The following POLD3 variants were observed in gnomAD, a reference collection of about 807,000 sequenced individuals.
The protein encoded by POLD3 is DNA polymerase delta 3, accessory subunit, also known as DNA polymerase delta subunit 3.
Under a neutral mutation model 58.2 loss-of-function variants are expected in POLD3, and 19 were observed. That is an observed-to-expected ratio of 0.33 (90% CI 0.23 to 0.48). POLD3 has a LOEUF of 0.48. POLD3 is among the 20% of genes least tolerant of loss of function. POLD3 has a pLI of 0.99. For synonymous variants in POLD3, 172 were observed against 193.5 expected (o/e 0.89, Z 0.92); for missense variants, 504 against 545.5 (o/e 0.92, Z 0.76).
intron 4 of POLD3, among the ~76,000 whole-genome samples, chr11:74,654,867 T>G (rs181845506): frequency 1.3e-5 from 2 of 152,220 alleles, no homozygotes; most frequent in African/African-American, 2.4e-5. Context: ...TCAGCTAGCC[T>G]GAAGTTGAGG....
intron 3 of POLD3, among the ~76,000 whole-genome samples, chr11:74,610,479 G>T (rs1008256093): frequency 1.3e-5 from 2 of 152,300 alleles, no homozygotes; most frequent in African/African-American, 4.8e-5. Context: ...AAAGTACTGG[G>T]ATTACAGGCA....
intron 11 of POLD3, among the ~76,000 whole-genome samples, chr11:74,638,308 A>G (rs747285726): frequency 2.6e-5 from 4 of 151,904 alleles, no homozygotes; most frequent in Non-Finnish European, 4.4e-5. Context: ...TGCTAAAGAA[A>G]TTTTGTTGGT....
In POLD3 at chr11:74,604,695, G is replaced by A. The variant is rs370900609; in HGVS notation, c.120G>A (p.Met40Ile). 2 of 1,564,148 alleles carry A rather than the reference G, an allele frequency of 1.3e-6. No individual in the cohort carries two copies. The highest frequency in any genetic ancestry group is 1.8e-6 in the Non-Finnish European group (2 of 1,134,494). ...LGVHVNQAKQMLYDYVERKRK... is the reference protein window; with the variant it reads ...LGVHVNQAKQILYDYVERKRK... ...TGCCTTCTTTTCTTTGGAATAGGAT[G>A]CTGTATGATTATGTTGAAAGGAAAC... Residue 40 changes from methionine to isoleucine, a missense_variant, in exon 3 of 12, where the codon ATG becomes ATA. Met to Ile is a conservative substitution (Grantham distance 10). Coordinates refer to ENST00000263681, the MANE Select transcript of POLD3 (RefSeq NM_006591.3).
downstream of POLD3, among the ~76,000 whole-genome samples, chr11:74,647,728 T>C (rs2033018049): frequency 6.6e-6 from 1 of 152,198 alleles, no homozygotes; most frequent in Non-Finnish European, 1.5e-5. Context: ...CAAAAAAACA[T>C]GTACATATTT....
At position 74,667,261 on chromosome 11, in the gene POLD3, C is replaced by T. The variant is rs1284589917; in HGVS notation, c.370-1516C>T. Among the ~76,000 whole-genome samples the T allele has an allele frequency of 7.2e-5, 11 of 152,192 alleles. No homozygotes were observed. The East Asian group carries it at 9.6e-4, about 13-fold the overall frequency. On this transcript the variant is annotated intron_variant, in intron 4 of 4. Coordinates refer to the POLD3 transcript ENST00000524752. ...GTATACTTAACAATTAAGGGCCCGG[C>T]GTGGTGGCTCACGCCTGTAATCCCA... is the stretch of plus-strand genomic sequence containing the variant.
At chr11:74,661,890 C>G (rs1048743076) in intron 4 of POLD3, among the ~76,000 whole-genome samples, 1 of 152,232 alleles carries the variant, frequency 6.6e-6, no homozygotes, top group Non-Finnish European at 1.5e-5. Context: ...AAGCTGAACT[C>G]ATGCTACGAG....
At chr11:74,610,855 A>G (rs1055574259) in intron 3 of POLD3, among the ~76,000 whole-genome samples, 5 of 151,470 alleles carry the variant, frequency 3.3e-5, no homozygotes, top group Non-Finnish European at 5.9e-5. Context: ...GCTCATTGCA[A>G]CCTCCGCCTC....
intron 4 of POLD3, among the ~76,000 whole-genome samples, chr11:74,655,933 CAAGT>C (rs1225507121): frequency 6.6e-6 from 1 of 152,024 alleles, no homozygotes; most frequent in East Asian, 1.9e-4. Flanking sequence ...AAAGAACAAG[CAAGT>C]AATCTACAAA....
At chr11:74,609,468 G>A (rs1308239433) in intron 3 of POLD3, among the ~76,000 whole-genome samples, 1 of 140,190 alleles carries the variant, frequency 7.1e-6, no homozygotes, top group Non-Finnish European at 1.5e-5. Context: ...TGCATCCTCT[G>A]CCTCCCAGGT....
At chr11:74,656,257 T>C (rs1388184379) in intron 4 of POLD3, among the ~76,000 whole-genome samples, 3 of 152,172 alleles carry the variant, frequency 2.0e-5, no homozygotes, top group Non-Finnish European at 4.4e-5. Context: ...CTGTATCCCA[T>C]AGGTTTTATA....
intron 6 of POLD3, among the ~76,000 whole-genome samples, chr11:74,619,617 T>C (rs979550239): frequency 1.3e-5 from 2 of 152,222 alleles, no homozygotes; most frequent in Non-Finnish European, 2.9e-5. Flanking sequence ...CCCATATTGC[T>C]ACTAAATGGT....
chr11:74,629,369 T>A (rs1374386880), intron 9 of POLD3, 46 bp downstream of exon 9: 1 of 1,088,246 alleles, frequency 9.2e-7, no homozygotes, highest in Admixed American at 2.0e-5. Flanking sequence ...AATTTTACTT[T>A]CAATGTTCAA....
At chr11:74,643,348 A>C (rs1284665117), downstream of POLD3, among the ~76,000 whole-genome samples, 1 of 152,224 alleles carries the variant, frequency 6.6e-6, no homozygotes, top group Non-Finnish European at 1.5e-5. Flanking sequence ...TTTACTGTTC[A>C]TTTATTGTGT....
At chr11:74,643,134 A>G (rs1049370894), downstream of POLD3, 1 of 156,822 alleles carries the variant, frequency 6.4e-6, no homozygotes, top group Non-Finnish European at 1.4e-5. Flanking sequence ...GCGCTCTACA[A>G]AATGGTGGCT....
intron 11 of POLD3, among the ~76,000 whole-genome samples, chr11:74,640,086 A>G (rs1430111828): frequency 6.6e-6 from 1 of 152,174 alleles, no homozygotes; most frequent in African/African-American, 2.4e-5. Flanking sequence ...GGTTAAACAG[A>G]ATGGAGGCAG....
At chr11:74,618,026 A>G (rs1759426778) in intron 5 of POLD3, among the ~76,000 whole-genome samples, 1 of 152,206 alleles carries the variant, frequency 6.6e-6, no homozygotes, top group African/African-American at 2.4e-5. Context: ...ACCCTACAGC[A>G]TGATTTACTC....
intron 7 of POLD3, among the ~76,000 whole-genome samples, chr11:74,623,237 T>C (rs1407419507): frequency 6.6e-6 from 1 of 151,836 alleles, no homozygotes; most frequent in African/African-American, 2.4e-5. Flanking sequence ...ATCGAGACCA[T>C]CCTGGCTAAC....
At chr11:74,662,069 G>A (rs972506073) in intron 4 of POLD3, among the ~76,000 whole-genome samples, 2 of 151,128 alleles carry the variant, frequency 1.3e-5, no homozygotes, top group East Asian at 2.0e-4. Flanking sequence ...CCTGGGACTC[G>A]CCCTTCAGAG....
chr11:74,640,646 C>G lies in POLD3; in HGVS notation c.1281C>G (p.Pro427=). The G allele has an allele frequency of 6.2e-7, 1 of 1,612,012 alleles. No individual in the cohort carries two copies. Among genetic ancestry groups the G allele is most frequent in the Non-Finnish European group, 8.5e-7 (1 of 1,179,064 alleles). ...TGAAGACATCCTCAGTACACAGACCCCCTGCCATGACTGTGAAAAAAGAAC... is the reference window on the plus strand; with the variant it reads ...TGAAGACATCCTCAGTACACAGACCGCCTGCCATGACTGTGAAAAAAGAAC... ...LNMKTSSVHR[P]PAMTVKKEPR... is the part of the protein sequence containing the mutation. The change falls in exon 12 of 12, where the codon CCC becomes CCG. Residue 427 remains proline (P), a synonymous_variant. Transcript: ENST00000263681.
Sources: gnomAD v4.1 joint callset for allele counts (sites outside exome capture counted in the v4.1 genomes callset) on GRCh38, gnomAD v4.1.1 for gene constraint, MANE v1.5 for transcripts, NCBI Gene and HGNC (gene_info 2026-07-23, HGNC 2026-07-21) for gene names.